Variants in CPEB3 observed in about 807,000 individuals in gnomAD.
CPEB3 encodes the protein cytoplasmic polyadenylation element binding protein 3.
A neutral mutation model predicts 67.2 loss-of-function variants in CPEB3; 20 were observed. That is an observed-to-expected ratio of 0.30 (90% CI 0.21 to 0.43). The LOEUF is 0.43. Ranked by LOEUF, CPEB3 falls within the 20% of genes least tolerant of loss-of-function variation. The pLI is 1.00. For synonymous variants in CPEB3, 376 were observed against 393.1 expected (o/e 0.96, Z 0.51); for missense variants, 746 against 968.6 (o/e 0.77, Z 3.05).
At chr10:92,219,672 A>C (rs1410879613) in intron 2 of CPEB3, among the ~76,000 whole-genome samples, 1 of 152,198 alleles carries the variant, frequency 6.6e-6, no homozygotes. Flanking sequence ...ACCTACCTTA[A>C]AATAGCTACT....
In CPEB3 at chr10:92,061,569, A is replaced by T. The variant is rs1318654690; in HGVS notation, c.1870-9130T>A. Among the ~76,000 whole-genome samples the T allele has an allele frequency of 2.6e-5, 4 of 152,222 alleles. No individual in the cohort carries two copies. In the South Asian group the frequency reaches 8.3e-4, roughly 31 times the overall value. On this transcript the variant is annotated intron_variant, in intron 9 of 9. Transcript: ENST00000265997. ...ACTGGAGATCACTATGTTAAGTGAA[A>T]TAAGCTAGACACAGAAAGACAAACA...
intron 1 of CPEB3, among the ~76,000 whole-genome samples, chr10:92,276,277 C>CTTTTTTTTTTTTTTT (rs769749643): frequency 9.2e-6 from 1 of 108,266 alleles, no homozygotes. Context: ...TTTTTCTTTT[C>CTTTTTTTTTTTTTTT]TTTTTTTTTT....
chr10:92,244,479 C>G (rs1689912301), intron 1 of CPEB3, among the ~76,000 whole-genome samples: 1 of 151,540 alleles, frequency 6.6e-6, no homozygotes, highest in South Asian at 2.1e-4. Context: ...TCTCTGTTGC[C>G]TAGGCTGGAG....
In CPEB3 at chr10:92,227,539, C is replaced by T. The variant is rs72807262; in HGVS notation, c.1005+11807G>A. On this transcript the variant is annotated intron_variant, in intron 2 of 9. Coordinates refer to ENST00000265997, the MANE Select transcript of CPEB3 (RefSeq NM_014912.5). ...AATGCCAACCTTCTTAACTGTTTAT[C>T]TGACCTCAGGATTCTACTACTGGTT... Among the ~76,000 whole-genome samples, 1,336 of 152,234 alleles carry T rather than the reference C, an allele frequency of 8.8e-3. 10 individuals are homozygous for T. Among genetic ancestry groups the T allele is most frequent in the Admixed American group, 0.021 (315 of 15,296 alleles).
intron 3 of CPEB3, among the ~76,000 whole-genome samples, chr10:92,190,591 T>C (rs773212725): frequency 1.5e-5 from 2 of 135,170 alleles, no homozygotes; most frequent in East Asian, 2.2e-4. Context: ...CTTGAACCCA[T>C]GAGGCACACG....
chr10:92,242,996 T>C (rs1000014809), intron 1 of CPEB3, among the ~76,000 whole-genome samples: 1 of 152,184 alleles, frequency 6.6e-6, no homozygotes, highest in South Asian at 2.1e-4. Context: ...GTTTGTTTTG[T>C]GTTCTTGGGG....
intron 9 of CPEB3, among the ~76,000 whole-genome samples, chr10:92,062,803 C>G (rs1008803954): frequency 6.6e-6 from 1 of 152,212 alleles, no homozygotes; most frequent in African/African-American, 2.4e-5. Context: ...CTGGTGAGAT[C>G]ACGTTACTGA....
rs533957703 is a variant in CPEB3 at position 92,095,230 on chromosome 10, G to A, written c.1573-3286C>T. Among the ~76,000 whole-genome samples the A allele has an allele frequency of 5.3e-5, 8 of 152,150 alleles. No individual in the cohort carries two copies. The South Asian group carries it at 1.2e-3, about 24-fold the overall frequency. On this transcript the variant is annotated intron_variant, in intron 7 of 9. Coordinates refer to ENST00000265997, the MANE Select transcript of CPEB3 (RefSeq NM_014912.5). ...CTTTATTCTTGGCATTGCAGATTAG[G>A]TAAAAATATAGGAAGAGGGCTCAAG...
intron 7 of CPEB3, among the ~76,000 whole-genome samples, chr10:92,110,643 T>G (rs1261501999): frequency 6.6e-6 from 1 of 152,232 alleles, no homozygotes; most frequent in Non-Finnish European, 1.5e-5. Flanking sequence ...AAGGCTCTAT[T>G]TAACTAGCTG....
At chr10:92,270,750 T>G (rs1007775607) in intron 1 of CPEB3, among the ~76,000 whole-genome samples, 6 of 150,964 alleles carry the variant, frequency 4.0e-5, no homozygotes, top group Non-Finnish European at 8.9e-5. Context: ...GCTTTTTTTT[T>G]GTAGAGATGG....
At chr10:92,267,834 T>C (rs1853128810) in intron 1 of CPEB3, among the ~76,000 whole-genome samples, 1 of 152,226 alleles carries the variant, frequency 6.6e-6, no homozygotes, top group African/African-American at 2.4e-5. Flanking sequence ...TATTTATTTA[T>C]TTAGAGATGT....
intron 2 of CPEB3, among the ~76,000 whole-genome samples, chr10:92,236,155 T>C (rs1486910627): frequency 1.3e-5 from 2 of 152,192 alleles, no homozygotes; most frequent in East Asian, 1.9e-4. Context: ...ATTAGCCTAA[T>C]AGAAAACTTC....
chr10:92,194,709 T>A (rs1417413575), intron 2 of CPEB3, among the ~76,000 whole-genome samples: 1 of 152,108 alleles, frequency 6.6e-6, no homozygotes, highest in Non-Finnish European at 1.5e-5. Context: ...CTCTTCTTAG[T>A]ACTCTGAGCC....
chr10:92,117,324 CTTTTTTT>C (rs35220275), intron 6 of CPEB3, among the ~76,000 whole-genome samples: 16 of 79,986 alleles, frequency 2.0e-4, no homozygotes, highest in African/African-American at 7.0e-4. Context: ...GCCTGGCTGA[CTTTTTTT>C]TTTTTTTTTT....
At chr10:92,105,671 G>A (rs1030051391) in intron 7 of CPEB3, among the ~76,000 whole-genome samples, 2 of 149,348 alleles carry the variant, frequency 1.3e-5, no homozygotes, top group Non-Finnish European at 3.0e-5. Context: ...CCTTTTATGT[G>A]CTAGGTTCTA....
At chr10:92,261,816 TC>T (rs1164985790) in intron 1 of CPEB3, among the ~76,000 whole-genome samples, 2 of 152,126 alleles carry the variant, frequency 1.3e-5, no homozygotes, top group African/African-American at 4.8e-5. Flanking sequence ...ACTGTTGGGA[TC>T]CCCACCTTAA....
At chr10:92,285,968 A>C (rs1434030419) in intron 1 of CPEB3, among the ~76,000 whole-genome samples, 4 of 143,684 alleles carry the variant, frequency 2.8e-5, no homozygotes, top group African/African-American at 1.1e-4. Context: ...TTTGAGAGGG[A>C]GTCTGTCCCC....
intron 2 of CPEB3, among the ~76,000 whole-genome samples, chr10:92,230,033 C>A (rs185139114): frequency 5.5e-4 from 82 of 149,998 alleles, no homozygotes; most frequent in Non-Finnish European, 8.7e-4. Flanking sequence ...GCAACGAGAG[C>A]GAAACTCCGT....
In CPEB3 at chr10:92,188,240, G is replaced by A. The variant is rs1348360537; in HGVS notation, c.1165+4237C>T. On this transcript the variant is annotated intron_variant, in intron 3 of 9. Transcript: ENST00000265997. ...AAAATAAGAAACAGCTGTCATTAGA[G>A]TATTACCCTCTTCAAAAGCCTCCTT... 3.6e-5 allele frequency among the ~76,000 whole-genome samples: 5 copies of A among 139,520 alleles called. No homozygotes were observed. The South Asian group carries it at 7.1e-4, about 20-fold the overall frequency. 91.5% of individuals were successfully genotyped at this position (139,520 alleles called of 152,430 possible). A position where few individuals can be genotyped will look rare whatever the true frequency, so the allele number is the denominator to read the frequency against.
Sources: allele counts gnomAD v4.1 joint callset (sites outside exome capture counted in the v4.1 genomes callset), GRCh38; gene constraint gnomAD v4.1.1; transcripts MANE v1.5; gene names NCBI Gene and HGNC (gene_info 2026-07-23, HGNC 2026-07-21).